FHOD3: variants seen among roughly 807,000 people sequenced by gnomAD.
The protein encoded by FHOD3 is formin homology 2 domain containing 3.
In FHOD3, 90 loss-of-function variants were observed where a neutral mutation model predicts 173.0. The observed-to-expected ratio is 0.52, with a 90% CI of 0.44 to 0.62. The LOEUF is 0.62. Among genes scored for constraint, FHOD3 ranks in the 20% least tolerant of loss-of-function variants. The pLI is 0.00. For missense variants in FHOD3, 1,945 were observed against 2,034.7 expected (o/e 0.96, Z 0.85); for synonymous variants, 828 against 823.0 (o/e 1.01, Z -0.10).
intron 1 of FHOD3, among the ~76,000 whole-genome samples, chr18:36,323,967 T>C (rs1024660345): frequency 6.6e-6 from 1 of 152,230 alleles, no homozygotes; most frequent in Non-Finnish European, 1.5e-5. Flanking sequence ...GGAAAATTAT[T>C]TGAAGTGAGC....
chr18:36,305,581 C>T (rs1005269738), intron 1 of FHOD3, among the ~76,000 whole-genome samples: 3 of 152,104 alleles, frequency 2.0e-5, no homozygotes, highest in Admixed American at 6.6e-5. Context: ...GGGACAAGCC[C>T]AAGATTTTTT....
At chr18:36,342,325 A>G (rs2045663992) in intron 1 of FHOD3, among the ~76,000 whole-genome samples, 1 of 152,146 alleles carries the variant, frequency 6.6e-6, no homozygotes, top group African/African-American at 2.4e-5. Context: ...CCAATTTTCT[A>G]AAATCAACAA....
intron 3 of FHOD3, among the ~76,000 whole-genome samples, chr18:36,454,439 C>T (rs1042708666): frequency 1.3e-5 from 2 of 152,170 alleles, no homozygotes. Context: ...AATATAGTTA[C>T]AAATCTAGTG....
chr18:36,734,052 T>C (rs2041509361), intron 20 of FHOD3, among the ~76,000 whole-genome samples: 1 of 152,088 alleles, frequency 6.6e-6, no homozygotes, highest in Non-Finnish European at 1.5e-5. Flanking sequence ...GAGACATGTA[T>C]GCAGCAGCGC....
intron 3 of FHOD3, among the ~76,000 whole-genome samples, chr18:36,463,687 G>A (rs1048284963): frequency 2.0e-5 from 3 of 151,870 alleles, no homozygotes; most frequent in Admixed American, 1.3e-4. Context: ...GTAGAGATAG[G>A]GTTTCACCAT....
intron 3 of FHOD3, among the ~76,000 whole-genome samples, chr18:36,380,571 T>TCCTTTCCTTTC (rs1568196172): frequency 3.4e-5 from 4 of 117,260 alleles, no homozygotes; most frequent in African/African-American, 1.4e-4. Flanking sequence ...TCTTTTCTTT[T>TCCTTTCCTTTC]CTTTTCTTTT....
chr18:36,493,213 CTTTTTTTT>C (rs60189688), intron 3 of FHOD3, among the ~76,000 whole-genome samples: 3 of 138,160 alleles, frequency 2.2e-5, no homozygotes, highest in African/African-American at 5.3e-5. Context: ...TTTTCTTTTT[CTTTTTTTT>C]TTTTTTTTTT....
At chr18:36,306,408 G>T (rs2092098942) in intron 1 of FHOD3, among the ~76,000 whole-genome samples, 1 of 152,196 alleles carries the variant, frequency 6.6e-6, no homozygotes, top group Non-Finnish European at 1.5e-5. Flanking sequence ...TGTCTGGTGG[G>T]GTGGAGGCTT....
chr18:36,441,568 G>C (rs2143787823), intron 3 of FHOD3, among the ~76,000 whole-genome samples: 1 of 152,316 alleles, frequency 6.6e-6, no homozygotes, highest in Middle Eastern at 3.4e-3. Flanking sequence ...GTAGTGGGCA[G>C]AGTCCCTGCT....
At chr18:36,764,121 C>T (rs1319380513) in intron 27 of FHOD3, among the ~76,000 whole-genome samples, 2 of 152,038 alleles carry the variant, frequency 1.3e-5, no homozygotes, top group African/African-American at 2.4e-5. Flanking sequence ...GGAAAGGTAC[C>T]CTCTTCTTGA....
At chr18:36,492,098 G>C (rs1389139281) in intron 3 of FHOD3, among the ~76,000 whole-genome samples, 1 of 152,176 alleles carries the variant, frequency 6.6e-6, no homozygotes, top group Non-Finnish European at 1.5e-5. Context: ...GAATCTGGAT[G>C]ATATCTGATC....
chr18:36,656,883 A>G (rs1210915924), intron 13 of FHOD3, among the ~76,000 whole-genome samples: 2 of 152,212 alleles, frequency 1.3e-5, no homozygotes, highest in Non-Finnish European at 2.9e-5. Context: ...ACCATGATCT[A>G]AATAATGTTC....
In FHOD3 at chr18:36,720,729, T is replaced by TCTTCTTCTCCTCCTC. The variant is rs1164816326; in HGVS notation, c.3417+2029_3417+2043dup. On this transcript the variant is annotated intron_variant, in intron 19 of 28. Transcript: ENST00000590592. ...TCCTCCTCCTCCTTCTCTTCCTCCT[T>TCTTCTTCTCCTCCTC]CTTCTTCTCCTCCTCCTTCTTCTCC... 1.3e-3 allele frequency among the ~76,000 whole-genome samples: 153 copies of TCTTCTTCTCCTCCTC among 116,048 alleles called. 2 individuals carry two copies. The East Asian group carries it at 0.03, about 23-fold the overall frequency. 76.1% of individuals were successfully genotyped at this position (116,048 alleles called of 152,430 possible). A position where few individuals can be genotyped will look rare whatever the true frequency, so the allele number is the denominator to read the frequency against.
chr18:36,346,646 T>G (rs573895600), intron 1 of FHOD3, among the ~76,000 whole-genome samples: 2 of 152,160 alleles, frequency 1.3e-5, no homozygotes, highest in Non-Finnish European at 2.9e-5. Context: ...CCATTTCCAC[T>G]GGATTCACCA....
intron 13 of FHOD3, among the ~76,000 whole-genome samples, chr18:36,654,175 C>A (rs908868192): frequency 5.9e-5 from 9 of 152,182 alleles, no homozygotes; most frequent in African/African-American, 1.9e-4. Context: ...AGTCTGGGTG[C>A]CCTACTCAAC....
At chr18:36,569,084 A>C (rs2058369376) in intron 5 of FHOD3, among the ~76,000 whole-genome samples, 1 of 152,228 alleles carries the variant, frequency 6.6e-6, no homozygotes, top group African/African-American at 2.4e-5. Context: ...AAAGCTTACC[A>C]GATGGGCTCG....
chr18:36,658,262 A>G, intron 14 of FHOD3, 74 bp downstream of exon 14: 6 of 988,532 alleles, frequency 6.1e-6, no homozygotes, highest in Non-Finnish European at 9.0e-6. Context: ...GTGTGGTTAA[A>G]GGAAAAATAT....
chr18:36,408,730 C>T (rs968776901), intron 3 of FHOD3, among the ~76,000 whole-genome samples: 2 of 152,084 alleles, frequency 1.3e-5, no homozygotes, highest in Non-Finnish European at 2.9e-5. Flanking sequence ...GCATTGGGAT[C>T]TGGCCAGGGC....
chr18:36,624,644 C>T (rs559529070), intron 9 of FHOD3, among the ~76,000 whole-genome samples: 13 of 151,890 alleles, frequency 8.6e-5, no homozygotes, highest in Non-Finnish European at 1.3e-4. Flanking sequence ...TGGTCTTCTG[C>T]AGAGGGCGCC....
Sources: allele counts gnomAD v4.1 joint callset (sites outside exome capture counted in the v4.1 genomes callset), GRCh38; gene constraint gnomAD v4.1.1; transcripts MANE v1.5; gene names NCBI Gene and HGNC (gene_info 2026-07-23, HGNC 2026-07-21).